Variants in RGS20 observed in about 807,000 individuals in gnomAD.
RGS20 encodes regulator of G protein signaling 20, also known as gz-selective GTPase-activating protein.
RGS20 carries 30 observed loss-of-function variants against 33.6 expected under a neutral mutation model. That is an observed-to-expected ratio of 0.89 (90% CI 0.67 to 1.21). The LOEUF (loss-of-function observed/expected upper bound fraction) is 1.21, where lower values mean the gene tolerates loss of function less well. Among genes scored for constraint, RGS20 ranks in the 50% most tolerant of loss-of-function variants. The pLI is 0.00. For synonymous variants in RGS20, 208 were observed against 197.9 expected, an observed-to-expected ratio of 1.05 and a Z score of -0.43; for missense variants, 472 against 502.4, an observed-to-expected ratio of 0.94 and a Z score of 0.58.
intron 1 of RGS20, among the ~76,000 whole-genome samples, chr8:53,858,072 G>A (rs1585858179): frequency 6.6e-6 from 1 of 152,194 alleles, no homozygotes; most frequent in East Asian, 1.9e-4. Flanking sequence ...GTCATAAAAG[G>A]TACTTATTAT....
At chr8:53,924,253 T>C (rs1813730421) in intron 2 of RGS20, among the ~76,000 whole-genome samples, 1 of 151,972 alleles carries the variant, frequency 6.6e-6, no homozygotes, top group Admixed American at 6.6e-5. Context: ...TGCAGTGGTG[T>C]ATGTTGGCTC....
intron 1 of RGS20, among the ~76,000 whole-genome samples, chr8:53,856,466 G>A (rs563727501): frequency 4.6e-5 from 7 of 152,166 alleles, no homozygotes; most frequent in Non-Finnish European, 7.4e-5. Context: ...TGATCCACCT[G>A]CCTTGGCCTC....
rs1005519400 is a variant in RGS20 at position 53,959,273 on chromosome 8, A to C, written c.*815A>C. 5.9e-5 allele frequency: 9 copies of C among 152,188 alleles called. No homozygotes were observed. The highest frequency in any genetic ancestry group is 1.9e-4 in the African/African-American group (8 of 41,446). 9.4% of individuals were successfully genotyped at this position (152,188 alleles called of 1,614,324 possible). A position where few individuals can be genotyped will look rare whatever the true frequency, so the allele number is the denominator to read the frequency against. On this transcript the variant is annotated 3_prime_UTR_variant, in exon 6 of 6. Coordinates refer to ENST00000297313, the MANE Select transcript of RGS20 (RefSeq NM_170587.4). ...AGAAATATGGGCATTTTCATTCTTT[A>C]AAGAAATAAAGCACAAGAATTTTAT... is the stretch of plus-strand genomic sequence containing the variant.
At chr8:53,956,495 A>G (rs1302936356) in intron 5 of RGS20, among the ~76,000 whole-genome samples, 1 of 152,178 alleles carries the variant, frequency 6.6e-6, no homozygotes, top group Non-Finnish European at 1.5e-5. Context: ...TCAGGAGTCC[A>G]AAGGGACATG....
At chr8:53,911,789 A>C (rs1813354013) in intron 2 of RGS20, among the ~76,000 whole-genome samples, 10 of 152,018 alleles carry the variant, frequency 6.6e-5, no homozygotes, top group Admixed American at 6.6e-4. Context: ...AAATACAAAA[A>C]AATTAGCTGG....
intron 2 of RGS20, among the ~76,000 whole-genome samples, chr8:53,918,135 A>C (rs914965460): frequency 1.3e-5 from 2 of 152,204 alleles, no homozygotes; most frequent in Admixed American, 6.5e-5. Context: ...TATACAGTTC[A>C]GTAGTTCTTA....
chr8:53,879,709 AG>A, intron 2 of RGS20: 2 of 1,007,670 alleles, frequency 2.0e-6, no homozygotes, highest in Non-Finnish European at 2.8e-6. Context: ...GGCTAGCAGT[AG>A]GGAGGGTGGC....
chr8:53,883,242 C>T lies in RGS20; in HGVS notation c.510+3640C>T, dbSNP rs548294684. ...CGCGATCTCGGCTCACTGCAACCTC[C>T]GCCTCCTGGGTTCAAGAGATTTTCC... On this transcript the variant is annotated intron_variant, in intron 2 of 5. Coordinates refer to ENST00000297313, the MANE Select transcript of RGS20 (RefSeq NM_170587.4). Among the ~76,000 whole-genome samples the T allele has an allele frequency of 2.5e-3, 377 of 151,846 alleles. 1 individual carries two copies. The South Asian group carries it at 0.027, about 11-fold the overall frequency.
chr8:53,863,311 C>G (rs1375313963), intron 1 of RGS20, among the ~76,000 whole-genome samples: 1 of 152,144 alleles, frequency 6.6e-6, no homozygotes, highest in Admixed American at 6.5e-5. Flanking sequence ...TTCCTTCTCC[C>G]TGAGTCAAGA....
intron 2 of RGS20, among the ~76,000 whole-genome samples, chr8:53,908,348 T>C (rs1308888278): frequency 6.6e-6 from 1 of 152,148 alleles, no homozygotes; most frequent in Admixed American, 6.6e-5. Context: ...CTAAAACTTA[T>C]ACAGACTGCT....
rs528387289 is a variant in RGS20, at chr8:53,922,087, T to A, written c.511-17489T>A. Among the ~76,000 whole-genome samples the A allele has an allele frequency of 6.3e-4, 96 of 152,308 alleles. 3 individuals are homozygous for A. The South Asian group carries it at 0.019, about 31-fold the overall frequency. On this transcript the variant is annotated intron_variant, in intron 2 of 5. Coordinates refer to ENST00000297313, the MANE Select transcript of RGS20 (RefSeq NM_170587.4). ...TTCTATCTAGTTGTTCTGTCCATTA[T>A]TGAAAGCAAGGTATTGAACTTTATT...
Position 53,877,771 on chromosome 8 carries a change from C to T in RGS20, c.166-1487C>T, listed in dbSNP as rs1203822968. 6.6e-6 allele frequency among the ~76,000 whole-genome samples: 1 copy of T among 152,236 alleles called. No individual in the cohort carries two copies. Among genetic ancestry groups the T allele is most frequent in the African/African-American group, 2.4e-5 (1 of 41,466 alleles). On this transcript the variant is annotated intron_variant, in intron 1 of 5. Coordinates refer to ENST00000297313, the MANE Select transcript of RGS20 (RefSeq NM_170587.4). This position sits in a 1 kb window ranked among gnomAD's most constrained non-coding sequence, Gnocchi z 5.7. ...TCGGAAATGCAAACCGAGTTCAACT[C>T]ACCCAGGAGCAAACAAACGACAGCA...
Position 53,851,981 on chromosome 8 carries a change from C to G in RGS20, c.82C>G (p.Leu28Val). Residue 28 changes from leucine to valine, a missense_variant, in exon 1 of 6, where the codon CTG becomes GTG. Around this residue, in one of 3 missense-constraint regions of RGS20, gnomAD observed 28 missense variants for 49.6 expected, o/e 0.57. Coordinates refer to ENST00000297313, the MANE Select transcript of RGS20 (RefSeq NM_170587.4). ...GTCTATATGGACACAGTTTCTGCCCCTGTTCAGGGCTCAGAGATATAATAC... is the reference window on the plus strand; with the variant it reads ...GTCTATATGGACACAGTTTCTGCCCGTGTTCAGGGCTCAGAGATATAATAC... 6.2e-7 allele frequency: 1 copy of G among 1,614,172 alleles called. No individual in the cohort carries two copies. Among genetic ancestry groups the G allele is most frequent in the Non-Finnish European group, 8.5e-7 (1 of 1,180,008 alleles).
intron 1 of RGS20, among the ~76,000 whole-genome samples, chr8:53,858,892 TAA>T (rs76466731): frequency 1.4e-4 from 12 of 84,518 alleles, no homozygotes; most frequent in Admixed American, 4.1e-4. Context: ...GGGTTATGTT[TAA>T]AAAAAAAAAA....
At chr8:53,954,049 GC>G (rs750888282) in intron 4 of RGS20, 26 bp from the exon 4 acceptor site, 2 of 1,470,790 alleles carry the variant, frequency 1.4e-6, no homozygotes, top group South Asian at 1.1e-5. Flanking sequence ...GTTCCCTTTT[GC>G]CCCCTCTCTT....
intron 2 of RGS20, chr8:53,880,921 A>T: frequency 6.5e-7 from 1 of 1,545,572 alleles, no homozygotes; most frequent in Non-Finnish European, 8.7e-7. Context: ...GCAAAGACCG[A>T]GAGCCGGAGA....
intron 1 of RGS20, among the ~76,000 whole-genome samples, chr8:53,855,942 G>A (rs1482817545): frequency 6.6e-6 from 1 of 152,100 alleles, no homozygotes; most frequent in African/African-American, 2.4e-5. Context: ...TATACTATTG[G>A]TTGCATATGT....
In RGS20 at chr8:53,852,649, G is replaced by A. The variant is rs113701895; in HGVS notation, c.165+585G>A. On this transcript the variant is annotated intron_variant, in intron 1 of 5. Coordinates refer to ENST00000297313, the MANE Select transcript of RGS20 (RefSeq NM_170587.4). ...TGTGTGTATATTTGAAAAAAATACA[G>A]TTTGAGTCTGTAAATCCTCTTAGCT... Among the ~76,000 whole-genome samples the A allele has an allele frequency of 3.6e-3, 545 of 152,214 alleles. 6 individuals are homozygous for A. Among genetic ancestry groups the A allele is most frequent in the African/African-American group, 0.012 (505 of 41,536 alleles).
intron 2 of RGS20, among the ~76,000 whole-genome samples, chr8:53,892,292 G>T (rs1023982885): frequency 2.6e-5 from 4 of 152,086 alleles, no homozygotes; most frequent in African/African-American, 9.7e-5. Flanking sequence ...GTCTATCATT[G>T]TTGGACATTT....
Sources: allele counts gnomAD v4.1 joint callset (sites outside exome capture counted in the v4.1 genomes callset), GRCh38; gene constraint gnomAD v4.1.1; regional missense constraint gnomAD v4.1.1; non-coding constraint Gnocchi (gnomAD v3.1); transcripts MANE v1.5; gene names NCBI Gene and HGNC (gene_info 2026-07-23, HGNC 2026-07-21).